The following NOVA1 variants were observed in gnomAD, a reference collection of about 807,000 sequenced individuals.
NOVA1 encodes NOVA alternative splicing regulator 1.
Under a neutral mutation model 38.0 loss-of-function variants are expected in NOVA1, and 7 were observed. The ratio of observed to expected loss-of-function variants is 0.18; its 90% CI spans 0.10 to 0.35. NOVA1 has a LOEUF of 0.35. NOVA1 is among the 10% of genes least tolerant of loss of function. NOVA1 has a pLI of 1.00. For missense variants in NOVA1, 460 were observed against 616.0 expected, an observed-to-expected ratio of 0.75 and a Z score of 2.68; for synonymous variants, 270 against 232.5, an observed-to-expected ratio of 1.16 and a Z score of -1.47.
At chr14:26,491,763 G>A (rs1886369119) in intron 2 of NOVA1, among the ~76,000 whole-genome samples, 1 of 152,084 alleles carries the variant, frequency 6.6e-6, no homozygotes, top group South Asian at 2.1e-4. Context: ...CTATAGTTAT[G>A]TGGAATTATT....
chr14:26,558,282 T>C (rs970053280), intron 2 of NOVA1, among the ~76,000 whole-genome samples: 27 of 152,164 alleles, frequency 1.8e-4, no homozygotes, highest in African/African-American at 5.5e-4. Flanking sequence ...GGCTCATCAA[T>C]TGTACCAACT....
At chr14:26,476,864 C>A (rs538710407) in intron 3 of NOVA1, among the ~76,000 whole-genome samples, 3 of 151,266 alleles carry the variant, frequency 2.0e-5, no homozygotes, top group Non-Finnish European at 4.4e-5. Context: ...TACAGGCATG[C>A]GCCACCACAC....
chr14:26,472,352 A>G lies in NOVA1; in HGVS notation c.487T>C (p.Ser163Pro), dbSNP rs1477781164. Residue 163 changes from serine to proline, a missense_variant, in exon 4 of 5, where the codon TCT (serine) becomes CCT (proline). Ser to Pro is a moderately conservative substitution (Grantham distance 74). Coordinates refer to ENST00000539517, the MANE Select transcript of NOVA1 (RefSeq NM_002515.3). Reference protein sequence around the residue: ...SSPTTTKSSPSDPMTTSRANQ... With the variant: ...SSPTTTKSSPPDPMTTSRANQ... ...GCTCTGGAGGTGGTCATGGGATCAG[A>G]TGGAGAGGACTTGGTGGTAGTTGGG... The G allele has an allele frequency of 1.3e-6, 2 of 1,583,532 alleles. No homozygotes were observed.
intron 2 of NOVA1, among the ~76,000 whole-genome samples, chr14:26,504,772 T>TA (rs1887503745): frequency 1.5e-5 from 1 of 67,212 alleles, no homozygotes; most frequent in African/African-American, 2.8e-5. Flanking sequence ...CAAACGACAG[T>TA]AAGTTAAAAA....
chr14:26,597,106 G>A, intron 1 of NOVA1, 195 bp downstream of exon 1: 1 of 1,231,812 alleles, frequency 8.1e-7, no homozygotes, highest in Non-Finnish European at 1.0e-6. Flanking sequence ...ATGGAAATGT[G>A]TCGGGGACAC....
intron 2 of NOVA1, among the ~76,000 whole-genome samples, chr14:26,501,194 G>A (rs967453525): frequency 6.6e-6 from 1 of 151,892 alleles, no homozygotes; most frequent in Non-Finnish European, 1.5e-5. Flanking sequence ...TAAACAAGAT[G>A]TTAAAAAGAA....
chr14:26,579,916 A>T (rs2138762066), intron 2 of NOVA1, among the ~76,000 whole-genome samples: 1 of 152,184 alleles, frequency 6.6e-6, no homozygotes, highest in Non-Finnish European at 1.5e-5. Flanking sequence ...TTCATAAATA[A>T]TTATACTGCA....
chr14:26,536,046 A>G (rs375858386), intron 2 of NOVA1, among the ~76,000 whole-genome samples: 2 of 152,240 alleles, frequency 1.3e-5, no homozygotes, highest in South Asian at 4.1e-4. Context: ...AATGAGGTCC[A>G]GTCATTTGCA....
intron 2 of NOVA1, among the ~76,000 whole-genome samples, chr14:26,482,383 G>A (rs2096443805): frequency 6.6e-6 from 1 of 151,998 alleles, no homozygotes; most frequent in African/African-American, 2.4e-5. Context: ...TTCTTCTACT[G>A]AACTTATGGC....
chr14:26,502,499 A>G (rs1272198116), intron 2 of NOVA1, among the ~76,000 whole-genome samples: 1 of 151,840 alleles, frequency 6.6e-6, no homozygotes, highest in Non-Finnish European at 1.5e-5. Flanking sequence ...ACTTGCTAAG[A>G]CTATATTTTA....
chr14:26,545,910 T>C (rs1362204010), intron 2 of NOVA1, among the ~76,000 whole-genome samples: 2 of 152,130 alleles, frequency 1.3e-5, no homozygotes, highest in South Asian at 2.1e-4. Flanking sequence ...TTAATTCAGT[T>C]AAGATTAATT....
At chr14:26,488,387 T>C (rs1262417395) in intron 2 of NOVA1, among the ~76,000 whole-genome samples, 1 of 152,208 alleles carries the variant, frequency 6.6e-6, no homozygotes. Context: ...TCATTCTCTG[T>C]CTCATCATGC....
In NOVA1 at chr14:26,545,983, A is replaced by G. The variant is rs529580212; in HGVS notation, c.280+49427T>C. 7.0e-4 allele frequency among the ~76,000 whole-genome samples: 107 copies of G among 152,250 alleles called. 3 individuals are homozygous for G. In the South Asian group the frequency reaches 0.022, roughly 31 times the overall value. The stretch of plus-strand genomic sequence containing the variant: ...GCAAACTTATACATTTAAAATTTTC[A>G]ATGAATTCAATTTATATTGAAAAAT... On this transcript the variant is annotated intron_variant, in intron 2 of 4. Coordinates refer to ENST00000539517, the MANE Select transcript of NOVA1 (RefSeq NM_002515.3).
intron 4 of NOVA1, among the ~76,000 whole-genome samples, chr14:26,471,313 TA>T (rs1212934176): frequency 2.0e-5 from 3 of 151,968 alleles, no homozygotes; most frequent in Non-Finnish European, 4.4e-5. Flanking sequence ...TTATATTAGA[TA>T]ATACGCAAAA....
At chr14:26,451,131 A>ATTTATT (rs1882633801) in intron 4 of NOVA1, among the ~76,000 whole-genome samples, 1 of 152,146 alleles carries the variant, frequency 6.6e-6, no homozygotes, top group Non-Finnish European at 1.5e-5. Context: ...ATTATTTTAT[A>ATTTATT]ACATTCACTC....
Position 26,589,094 on chromosome 14 carries a change from T to A in NOVA1, c.280+6316A>T, listed in dbSNP as rs535293499. ...ATACCAAAAAATTCAGATTAGTAAA[T>A]TTAATAGAAAATTCAAAGCTATAAA... On this transcript the variant is annotated intron_variant, in intron 2 of 4. Coordinates refer to ENST00000539517, the MANE Select transcript of NOVA1 (RefSeq NM_002515.3). Among the ~76,000 whole-genome samples the A allele has an allele frequency of 5.3e-5, 8 of 151,680 alleles. No individual in the cohort carries two copies. In the South Asian group the frequency reaches 1.7e-3, roughly 31 times the overall value.
intron 2 of NOVA1, among the ~76,000 whole-genome samples, chr14:26,511,156 T>G (rs901615659): frequency 6.6e-6 from 1 of 152,152 alleles, no homozygotes; most frequent in Non-Finnish European, 1.5e-5. Flanking sequence ...AAAATTCTTT[T>G]TAAGGTTCAC....
intron 2 of NOVA1, among the ~76,000 whole-genome samples, chr14:26,589,399 T>C (rs993964648): frequency 2.6e-5 from 4 of 151,834 alleles, no homozygotes; most frequent in Middle Eastern, 3.4e-3. Flanking sequence ...CAGTAATTTT[T>C]TGAGATTTTG....
At chr14:26,483,185 T>G (rs1329724521) in intron 2 of NOVA1, among the ~76,000 whole-genome samples, 1 of 152,136 alleles carries the variant, frequency 6.6e-6, no homozygotes, top group Non-Finnish European at 1.5e-5. Context: ...AATAGAAAAG[T>G]TTTCACAGAA....
Sources: gnomAD v4.1 joint callset for allele counts (sites outside exome capture counted in the v4.1 genomes callset) on GRCh38, gnomAD v4.1.1 for gene constraint, MANE v1.5 for transcripts, NCBI Gene and HGNC (gene_info 2026-07-23, HGNC 2026-07-21) for gene names.